The following CENPC variants were observed in gnomAD, a reference collection of about 807,000 sequenced individuals.
The protein encoded by CENPC is centromere protein C, also known as CENP-C 1.
Under a neutral mutation model 112.1 loss-of-function variants are expected in CENPC, and 63 were observed. The ratio of observed to expected loss-of-function variants is 0.56; its 90% CI spans 0.46 to 0.69. The LOEUF (loss-of-function observed/expected upper bound fraction) is 0.69, where lower values mean the gene tolerates loss of function less well. Ranked by LOEUF, CENPC falls within the 30% of genes least tolerant of loss-of-function variation. The pLI is 0.00. For synonymous variants in CENPC, 333 were observed against 367.6 expected (o/e 0.91, Z 1.08); for missense variants, 1,000 against 1,103.8 (o/e 0.91, Z 1.33).
chr4:67,494,015 T>G (rs1229744398), intron 13 of CENPC, 27 bp from the exon 14 acceptor site: 1 of 1,479,486 alleles, frequency 6.8e-7, no homozygotes, highest in Non-Finnish European at 9.3e-7. Flanking sequence ...GACAAAAGTG[T>G]ATACATAGTT....
chr4:67,509,200 A>T, intron 9 of CENPC, 95 bp from the exon 10 acceptor site: 2 of 590,608 alleles, frequency 3.4e-6, no homozygotes, highest in Non-Finnish European at 5.7e-6. Context: ...ATATAAACAT[A>T]TACACATACA....
intron 17 of CENPC, among the ~76,000 whole-genome samples, chr4:67,477,343 T>C (rs1724833111): frequency 4.6e-5 from 7 of 152,202 alleles, no homozygotes; most frequent in African/African-American, 2.4e-5. Flanking sequence ...CTGAGATCCA[T>C]GGCTGAGAGA....
At chr4:67,532,637 T>C (rs1726588817) in intron 4 of CENPC, among the ~76,000 whole-genome samples, 1 of 151,934 alleles carries the variant, frequency 6.6e-6, no homozygotes, top group Admixed American at 6.6e-5. Context: ...CTGAGCAAAC[T>C]ATTGCGAGGA....
Position 67,530,064 on chromosome 4 carries a change from C to T in CENPC, c.331+751G>A, listed in dbSNP as rs144286859. 1.2e-3 allele frequency among the ~76,000 whole-genome samples: 182 copies of T among 151,642 alleles called. 3 individuals are homozygous for T. In the East Asian group the frequency reaches 0.016, roughly 14 times the overall value. On this transcript the variant is annotated intron_variant, in intron 5 of 18. Transcript: ENST00000273853. ...TAGAAGATTATGTCATGTTACATAC[C>T]GAAACACATTCCAGATGGTTAAAGA...
At chr4:67,478,772 G>A (rs982049751) in intron 17 of CENPC, among the ~76,000 whole-genome samples, 1 of 151,980 alleles carries the variant, frequency 6.6e-6, no homozygotes, top group African/African-American at 2.4e-5. Flanking sequence ...AAAAGATACA[G>A]AACGGCAGAA....
intron 12 of CENPC, among the ~76,000 whole-genome samples, chr4:67,499,314 T>C (rs1207934844): frequency 2.0e-5 from 3 of 152,228 alleles, no homozygotes; most frequent in Non-Finnish European, 4.4e-5. Flanking sequence ...CTAGATGACA[T>C]CTTCTTTCAA....
At chr4:67,532,032 C>T (rs1726566141) in intron 4 of CENPC, among the ~76,000 whole-genome samples, 1 of 152,132 alleles carries the variant, frequency 6.6e-6, no homozygotes, top group Non-Finnish European at 1.5e-5. Context: ...CTACAAAGAA[C>T]TTAAATAAAT....
At chr4:67,492,832 TA>T in intron 15 of CENPC, 36 bp downstream of exon 15, 4 of 1,501,536 alleles carry the variant, frequency 2.7e-6, no homozygotes, top group Non-Finnish European at 3.6e-6. Context: ...CTATTTAAAA[TA>T]AAATCTAAAA....
intron 17 of CENPC, among the ~76,000 whole-genome samples, chr4:67,475,601 T>A (rs981050839): frequency 6.6e-6 from 1 of 152,034 alleles, no homozygotes; most frequent in Non-Finnish European, 1.5e-5. Context: ...TACAAGAGTA[T>A]TGTTTCTTGT....
chr4:67,537,475 G>C (rs1168668385), intron 4 of CENPC, among the ~76,000 whole-genome samples: 1 of 152,188 alleles, frequency 6.6e-6, no homozygotes, highest in East Asian at 1.9e-4. Context: ...AGGCAACACA[G>C]TGAGACCCTG....
intron 5 of CENPC, among the ~76,000 whole-genome samples, chr4:67,527,933 TA>T (rs1726431972): frequency 6.6e-6 from 1 of 152,160 alleles, no homozygotes; most frequent in East Asian, 1.9e-4. Context: ...TAATTTCAGT[TA>T]AAATCATAGA....
chr4:67,486,568 C>T (rs568493139), intron 17 of CENPC, among the ~76,000 whole-genome samples: 1 of 152,222 alleles, frequency 6.6e-6, no homozygotes, highest in South Asian at 2.1e-4. Flanking sequence ...GTGATTTTGC[C>T]TCTCAGGGAC....
rs1324789562 is a variant in CENPC at position 67,471,921 on chromosome 4, T to A, written c.*684A>T. ...GGAAAAACATTTACATGTAATATAC[T>A]AAATAGATGTCATGCCAACACAGAC... On this transcript the variant is annotated 3_prime_UTR_variant, in exon 19 of 19. Coordinates refer to ENST00000273853, the MANE Select transcript of CENPC (RefSeq NM_001812.4). 6.6e-6 allele frequency: 1 copy of A among 152,236 alleles called. No homozygotes were observed. Among genetic ancestry groups the A allele is most frequent in the Non-Finnish European group, 1.5e-5 (1 of 68,036 alleles). The allele number at this position is 152,236 out of a possible 1,614,324, so 9.4% of individuals were successfully genotyped here. A position where few individuals can be genotyped will look rare whatever the true frequency, so the allele number is the denominator to read the frequency against.
At chr4:67,515,354 T>C (rs1283874690) in intron 7 of CENPC, among the ~76,000 whole-genome samples, 1 of 151,436 alleles carries the variant, frequency 6.6e-6, no homozygotes, top group Non-Finnish European at 1.5e-5. Context: ...TAATCCCAGC[T>C]ACTTGGGAGG....
intron 5 of CENPC, among the ~76,000 whole-genome samples, chr4:67,527,327 A>G (rs1016551834): frequency 2.6e-5 from 4 of 152,146 alleles, no homozygotes; most frequent in African/African-American, 9.7e-5. Flanking sequence ...CAAAAAATGC[A>G]TGACAAAATC....
intron 9 of CENPC, among the ~76,000 whole-genome samples, chr4:67,511,250 T>C (rs1725884561): frequency 6.6e-6 from 1 of 152,168 alleles, no homozygotes; most frequent in South Asian, 2.1e-4. Flanking sequence ...ACAAAATAAA[T>C]ACTTGCTGCT....
intron 8 of CENPC, 35 bp from the exon 9 acceptor site, chr4:67,512,604 T>G: frequency 1.4e-6 from 2 of 1,427,258 alleles, no homozygotes; most frequent in Non-Finnish European, 1.9e-6. Context: ...CAATTCACAA[T>G]CTACTAAAAG....
At chr4:67,504,392 AT>A (rs1179196748) in intron 12 of CENPC, among the ~76,000 whole-genome samples, 1 of 152,172 alleles carries the variant, frequency 6.6e-6, no homozygotes, top group Non-Finnish European at 1.5e-5. Context: ...CGGGGGAAAA[AT>A]TAAAAAGTTA....
At position 67,508,513 on chromosome 4, in the gene CENPC, TAAAAAAA is replaced by T. The variant is rs34160703; in HGVS notation, c.1904+294_1904+300del. Among the ~76,000 whole-genome samples, 7 of 91,180 alleles carry T rather than the reference TAAAAAAA, an allele frequency of 7.7e-5. No homozygotes were observed. In the South Asian group the frequency reaches 1.4e-3, roughly 19 times the overall value. The allele number at this position is 91,180 out of a possible 152,430, so 59.8% of individuals were successfully genotyped here. ...GGAAACAGAGGAAGACTCTGTCTCTTAAAAAAAAAAAAAAAAAAAAAAAGTTTAACTC... is the reference window on the plus strand; with the variant it reads ...GGAAACAGAGGAAGACTCTGTCTCTTAAAAAAAAAAAAAAAAGTTTAACTC... On this transcript the variant is annotated intron_variant, in intron 10 of 18. Coordinates refer to ENST00000273853, the MANE Select transcript of CENPC (RefSeq NM_001812.4).
Sources: gnomAD v4.1 joint callset for allele counts (sites outside exome capture counted in the v4.1 genomes callset) on GRCh38, gnomAD v4.1.1 for gene constraint, MANE v1.5 for transcripts, NCBI Gene and HGNC (gene_info 2026-07-23, HGNC 2026-07-21) for gene names.